The following CIITA variants were observed in gnomAD, a reference collection of about 807,000 sequenced individuals.
CIITA encodes class II major histocompatibility complex transactivator.
Under a neutral mutation model 115.1 loss-of-function variants are expected in CIITA, and 72 were observed. The ratio of observed to expected loss-of-function variants is 0.63; its 90% CI spans 0.52 to 0.76. The LOEUF is 0.76. Ranked by LOEUF, CIITA falls within the 30% of genes least tolerant of loss-of-function variation. The pLI is 0.00. For missense variants in CIITA, 1,617 were observed against 1,463.8 expected (o/e 1.10, Z -1.71); for synonymous variants, 763 against 635.6 (o/e 1.20, Z -3.02).
At chr16:10,910,087 C>A in intron 12 of CIITA, 101 bp from the exon 13 acceptor site, 1 of 950,132 alleles carries the variant, frequency 1.1e-6, no homozygotes, top group South Asian at 1.4e-5. Context: ...AAGCAATCCC[C>A]CTGGGGAATT....
At chr16:10,905,020 C>A (rs1219412167) in intron 10 of CIITA, among the ~76,000 whole-genome samples, 1 of 152,140 alleles carries the variant, frequency 6.6e-6, no homozygotes, top group Non-Finnish European at 1.5e-5. Flanking sequence ...ATATTTATTG[C>A]CCTTCAATAA....
chr16:10,941,592 C>G lies in CIITA; in HGVS notation n.718C>G. 6.8e-7 allele frequency: 1 copy of G among 1,472,728 alleles called. No individual in the cohort carries two copies. Among genetic ancestry groups the G allele is most frequent in the Non-Finnish European group, 9.0e-7 (1 of 1,112,418 alleles). 91.2% of individuals were successfully genotyped at this position (1,472,728 alleles called of 1,614,324 possible). A position where few individuals can be genotyped will look rare whatever the true frequency, so the allele number is the denominator to read the frequency against. On this transcript the variant is annotated non_coding_transcript_exon_variant, in exon 2 of 2. Transcript: ENST00000573379. This position sits in a 1 kb window ranked among gnomAD's most constrained non-coding sequence, Gnocchi z 6.4. ...ACAGGCCTCGGAGGCAGGGGAGGGT[C>G]TCCTCCTGGGGAACCATCCCCGTCC...
Position 10,942,855 on chromosome 16 carries a change from T to G in CIITA, n.1981T>G, listed in dbSNP as rs1187565557. The G allele has an allele frequency of 6.6e-6, 1 of 152,164 alleles. No individual in the cohort carries two copies. Among genetic ancestry groups the G allele is most frequent in the Non-Finnish European group, 1.5e-5 (1 of 68,038 alleles). The allele number at this position is 152,164 out of a possible 1,614,324, so 9.4% of individuals were successfully genotyped here. A position where few individuals can be genotyped will look rare whatever the true frequency, so the allele number is the denominator to read the frequency against. ...GCGACGGACGGTTGCCCTGGAAATT[T>G]TGGACATTCCCAAAGCGCCAATTTT... On this transcript the variant is annotated non_coding_transcript_exon_variant, in exon 2 of 2. Transcript: ENST00000573379. This position sits in a 1 kb window ranked among gnomAD's most constrained non-coding sequence, Gnocchi z 5.0.
In CIITA at chr16:10,902,043, C is replaced by A. The variant is rs555184617; in HGVS notation, c.487C>A (p.Pro163Thr). The A allele has an allele frequency of 1.2e-4, 189 of 1,614,014 alleles. 4 individuals are homozygous for A. In the South Asian group the frequency reaches 1.9e-3, roughly 16 times the overall value. The change falls in exon 7 of 20, where the codon CCC (proline) becomes ACC (threonine). Residue 163 changes from proline to threonine, a missense_variant. Pro to Thr is a conservative substitution (Grantham distance 38). Coordinates refer to ENST00000324288, the MANE Select transcript of CIITA (RefSeq NM_000246.4). ...ADLKHWKPAE[P>T]PTVVTGSLLV... ...CACAGCCCACTTCCTCACAGCTGAG[C>A]CCCCCACTGTGGTGACTGGCAGTCT...
In CIITA at chr16:10,918,942, G is replaced by GGCCTT. The variant is rs148247886; in HGVS notation, c.3149+418_3149+422dup. Among the ~76,000 whole-genome samples, 25 of 152,252 alleles carry GGCCTT rather than the reference G, an allele frequency of 1.6e-4. No individual in the cohort carries two copies. The East Asian group carries it at 4.6e-3, about 28-fold the overall frequency. ...AGTGTTTCACTGCCACCTTCTGGTA[G>GGCCTT]GCCTTGGCATAGCACCTCTTGCTTT... On this transcript the variant is annotated intron_variant, in intron 16 of 19. Transcript: ENST00000324288.
At chr16:10,887,896 A>C (rs1402980398) in intron 1 of CIITA, among the ~76,000 whole-genome samples, 1 of 152,146 alleles carries the variant, frequency 6.6e-6, no homozygotes, top group Non-Finnish European at 1.5e-5. Context: ...TAGACCCTCA[A>C]AGATAGACTC....
chr16:10,889,730 GC>G (rs1567378705), intron 1 of CIITA, among the ~76,000 whole-genome samples: 1 of 152,110 alleles, frequency 6.6e-6, no homozygotes, highest in African/African-American at 2.4e-5. Flanking sequence ...TGTTGCCCGG[GC>G]TGGTCTCAAA....
At position 10,929,598 on chromosome 16, in the gene CIITA, C is replaced by G; in HGVS notation, c.*5743C>G. 1 of 982,842 alleles carries G rather than the reference C, an allele frequency of 1.0e-6. No individual in the cohort carries two copies. The highest frequency in any genetic ancestry group is 1.7e-5 in the African/African-American group (1 of 57,272). The allele number at this position is 982,842 out of a possible 1,614,324, so 60.9% of individuals were successfully genotyped here. The stretch of plus-strand genomic sequence containing the variant: ...AAAAGGGGGGTTATTAGCACGGAAG[C>G]CCCACCCTGCCACCAGGTTGGCTGG... On this transcript the variant is annotated 3_prime_UTR_variant, in exon 20 of 20. Coordinates refer to ENST00000324288, the MANE Select transcript of CIITA (RefSeq NM_000246.4). This position sits in a 1 kb window ranked among gnomAD's most constrained non-coding sequence, Gnocchi z 4.3.
intron 9 of CIITA, 71 bp from the exon 10 acceptor site, chr16:10,904,673 T>TG (rs2039015108): frequency 2.0e-6 from 3 of 1,523,330 alleles, no homozygotes; most frequent in Non-Finnish European, 2.7e-6. Context: ...AAGGACTAAG[T>TG]GGCCCAGAGG....
intron 15 of CIITA, among the ~76,000 whole-genome samples, chr16:10,917,322 G>A (rs2040007889): frequency 6.6e-6 from 1 of 152,078 alleles, no homozygotes; most frequent in Admixed American, 6.6e-5. Flanking sequence ...ACAGGTGCAT[G>A]CCACCACGTC....
At chr16:10,939,551 C>T (rs1221297066), downstream of CIITA, 2 of 152,266 alleles carry the variant, frequency 1.3e-5, no homozygotes, top group African/African-American at 2.4e-5. This position sits in a 1 kb window ranked among gnomAD's most constrained non-coding sequence, Gnocchi z 4.9. Flanking sequence ...ACCACTGATT[C>T]CCTCAGCCTG....
intron 5 of CIITA, 105 bp downstream of exon 5, chr16:10,899,107 G>A (rs1447719017): frequency 9.1e-7 from 1 of 1,100,800 alleles, no homozygotes; most frequent in African/African-American, 1.5e-5. Flanking sequence ...GCTAAGTCCT[G>A]TCTGGTTGGG....
At chr16:10,884,451 G>A (rs1413496173) in intron 1 of CIITA, among the ~76,000 whole-genome samples, 1 of 152,154 alleles carries the variant, frequency 6.6e-6, no homozygotes, top group Non-Finnish European at 1.5e-5. Context: ...GTCTCACTCT[G>A]TTGCCCAGGT....
chr16:10,902,288 C>G, intron 7 of CIITA, 104 bp downstream of exon 7: 1 of 1,483,126 alleles, frequency 6.7e-7, no homozygotes, highest in South Asian at 1.2e-5. Flanking sequence ...TCACCTCTCC[C>G]CAACCCTATC....
chr16:10,902,106 T>C lies in CIITA; in HGVS notation c.550T>C (p.Cys184Arg). Residue 184 changes from cysteine (C) to arginine (R), a missense_variant, in exon 7 of 20, where the codon TGC becomes CGC. Physicochemically the swap from Cys to Arg is radical, Grantham distance 180. Coordinates refer to ENST00000324288, the MANE Select transcript of CIITA (RefSeq NM_000246.4). ...GPVSDCSTLP[C>R]LPLPALFNQE... ...AGTGAGCGACTGCTCCACCCTGCCC[T>C]GCCTGCCACTGCCTGCGCTGTTCAA... The C allele has an allele frequency of 6.2e-7, 1 of 1,614,156 alleles. No individual in the cohort carries two copies. The highest frequency in any genetic ancestry group is 8.5e-7 in the Non-Finnish European group (1 of 1,180,010).
At chr16:10,869,490 T>TGGG (rs2035325014) in intron 1 of CIITA, among the ~76,000 whole-genome samples, 1 of 150,986 alleles carries the variant, frequency 6.6e-6, no homozygotes, top group Non-Finnish European at 1.5e-5. Flanking sequence ...CTCCACACTC[T>TGGG]GAGCCCCCTC....
intron 15 of CIITA, 95 bp from the exon 16 acceptor site, chr16:10,918,345 C>T (rs933884516): frequency 2.9e-5 from 31 of 1,086,568 alleles, no homozygotes; most frequent in Non-Finnish European, 3.9e-5. Flanking sequence ...CTGTCGACAG[C>T]GCCATTCACA....
chr16:10,914,256 G>C (rs1041819408), intron 13 of CIITA, among the ~76,000 whole-genome samples: 2 of 152,152 alleles, frequency 1.3e-5, no homozygotes, highest in Non-Finnish European at 2.9e-5. Context: ...AGGAGATCAA[G>C]ACTTAAGGGT....
chr16:10,913,896 A>T (rs2039763841), intron 13 of CIITA, among the ~76,000 whole-genome samples: 1 of 151,380 alleles, frequency 6.6e-6, no homozygotes, highest in Non-Finnish European at 1.5e-5. Flanking sequence ...AGCTGAGATC[A>T]CGCCACTGCA....
Sources: gnomAD v4.1 joint callset for allele counts (sites outside exome capture counted in the v4.1 genomes callset) on GRCh38, gnomAD v4.1.1 for gene constraint, Gnocchi (gnomAD v3.1) non-coding constraint, MANE v1.5 for transcripts, NCBI Gene and HGNC (gene_info 2026-07-23, HGNC 2026-07-21) for gene names.